Variants in DLGAP2 observed in about 807,000 individuals in gnomAD.
DLGAP2 encodes the protein DLG associated protein 2, also known as disks large-associated protein 2.
Under a neutral mutation model 100.3 loss-of-function variants are expected in DLGAP2, and 26 were observed. The observed-to-expected ratio is 0.26, with a 90% CI of 0.19 to 0.36. DLGAP2 has a LOEUF of 0.36. Ranked by LOEUF, DLGAP2 falls within the 10% of genes least tolerant of loss-of-function variation. DLGAP2 has a pLI of 1.00. For synonymous variants in DLGAP2, 886 were observed against 630.1 expected (o/e 1.41, Z -6.08); for missense variants, 1,858 against 1,453.2 (o/e 1.28, Z -4.53).
intron 1 of DLGAP2, among the ~76,000 whole-genome samples, chr8:835,894 G>A (rs895757847): frequency 5.3e-5 from 8 of 152,066 alleles, no homozygotes; most frequent in African/African-American, 1.7e-4. Flanking sequence ...TTCCTGTTAC[G>A]CTGCCGTAAC....
chr8:1,194,402 C>G (rs558603147), intron 2 of DLGAP2, among the ~76,000 whole-genome samples: 1 of 152,128 alleles, frequency 6.6e-6, no homozygotes, highest in Admixed American at 6.5e-5. Flanking sequence ...CCATGCTCAC[C>G]GTGTCTAGGC....
intron 2 of DLGAP2, among the ~76,000 whole-genome samples, chr8:1,207,462 C>CT (rs1798020486): frequency 6.6e-6 from 1 of 152,212 alleles, no homozygotes; most frequent in South Asian, 2.1e-4. Context: ...ACCACATTTT[C>CT]TTTTTTTACT....
chr8:947,487 G>A (rs1452957081), intron 2 of DLGAP2, among the ~76,000 whole-genome samples: 2 of 152,222 alleles, frequency 1.3e-5, no homozygotes, highest in Non-Finnish European at 2.9e-5. Context: ...GACGGTGGCG[G>A]CTGTGTTCCA....
chr8:970,924 G>A (rs765674329), intron 2 of DLGAP2, among the ~76,000 whole-genome samples: 9 of 152,164 alleles, frequency 5.9e-5, no homozygotes, highest in Non-Finnish European at 1.2e-4. Flanking sequence ...CAATGTTTAA[G>A]TAATGTGCAT....
intron 3 of DLGAP2, among the ~76,000 whole-genome samples, chr8:1,343,806 G>A (rs895169845): frequency 7.2e-5 from 11 of 152,188 alleles, no homozygotes; most frequent in Admixed American, 1.3e-4. Context: ...GCTGTGGCAC[G>A]AGATCCTCCC....
At chr8:1,312,229 A>G (rs1585248051) in intron 3 of DLGAP2, among the ~76,000 whole-genome samples, 1 of 152,178 alleles carries the variant, frequency 6.6e-6, no homozygotes, top group Non-Finnish European at 1.5e-5. Flanking sequence ...AATATAAAAC[A>G]CAGGGTCTAG....
intron 1 of DLGAP2, among the ~76,000 whole-genome samples, chr8:750,906 A>G (rs527981949): frequency 6.6e-6 from 1 of 152,366 alleles, no homozygotes; most frequent in African/African-American, 2.4e-5. Context: ...CTGTTCCGAA[A>G]TATTTGTCAC....
intron 6 of DLGAP2, among the ~76,000 whole-genome samples, chr8:1,579,122 T>G (rs1466796465): frequency 6.6e-6 from 1 of 152,256 alleles, no homozygotes; most frequent in Non-Finnish European, 1.5e-5. Context: ...TGGAGGCCTT[T>G]GCTTTTTTTT....
At position 1,325,852 on chromosome 8, in the gene DLGAP2, A is replaced by C. The variant is rs955238037; in HGVS notation, c.106+66969A>C. Among the ~76,000 whole-genome samples the C allele has an allele frequency of 4.2e-4, 64 of 152,160 alleles. 1 individual carries two copies. The highest frequency in any genetic ancestry group is 1.4e-3 in the African/African-American group (56 of 41,430). ...TTTTTTGCAAGGACCGTCCATGGAG[A>C]TGGCTTTCCAGCCACAGTCTTCTGT... is the stretch of plus-strand genomic sequence containing the variant. On this transcript the variant is annotated intron_variant, in intron 3 of 14. Transcript: ENST00000637795.
chr8:1,686,096 A>G (rs891786373), intron 12 of DLGAP2, among the ~76,000 whole-genome samples: 7 of 152,174 alleles, frequency 4.6e-5, no homozygotes, highest in African/African-American at 1.7e-4. Context: ...AAGGAAATTC[A>G]TATGTCAAAG....
chr8:1,133,839 A>G (rs1796346977), intron 2 of DLGAP2, among the ~76,000 whole-genome samples: 1 of 152,124 alleles, frequency 6.6e-6, no homozygotes, highest in African/African-American at 2.4e-5. Flanking sequence ...CCGTATTGGG[A>G]ATTGATTAAC....
At chr8:1,693,225 A>C (rs1799299921) in intron 13 of DLGAP2, among the ~76,000 whole-genome samples, 1 of 148,592 alleles carries the variant, frequency 6.7e-6, no homozygotes, top group African/African-American at 2.4e-5. Context: ...GTAGGCAAAT[A>C]TACAGTATAT....
chr8:778,661 G>C (rs1821597444), intron 1 of DLGAP2, among the ~76,000 whole-genome samples: 1 of 152,214 alleles, frequency 6.6e-6, no homozygotes, highest in Non-Finnish European at 1.5e-5. Flanking sequence ...TCAGGGGTCA[G>C]GGGTCAGGCA....
intron 3 of DLGAP2, among the ~76,000 whole-genome samples, chr8:1,283,977 C>G (rs75008206): frequency 1.3e-5 from 2 of 152,294 alleles, no homozygotes; most frequent in Non-Finnish European, 2.9e-5. Flanking sequence ...TTGTCATTCA[C>G]GACGGAGTTC....
chr8:1,420,586 TC>T (rs2129932355), intron 3 of DLGAP2, among the ~76,000 whole-genome samples: 1 of 152,330 alleles, frequency 6.6e-6, no homozygotes, highest in East Asian at 1.9e-4. Flanking sequence ...AATATGATCT[TC>T]TATGTTGAGC....
intron 2 of DLGAP2, among the ~76,000 whole-genome samples, chr8:994,951 G>A (rs913984479): frequency 2.8e-4 from 43 of 152,240 alleles, no homozygotes; most frequent in African/African-American, 8.7e-4. Context: ...TTGGCATCAC[G>A]GGGGCAGGGC....
chr8:1,060,939 TC>T (rs1483953305), intron 2 of DLGAP2, among the ~76,000 whole-genome samples: 3 of 152,228 alleles, frequency 2.0e-5, no homozygotes, highest in Non-Finnish European at 4.4e-5. Context: ...TGAGTGTGTC[TC>T]CCAGCCTTCA....
chr8:967,765 GTATATATATATATGTATA>G (rs1382528445), intron 2 of DLGAP2, among the ~76,000 whole-genome samples: 2 of 52,636 alleles, frequency 3.8e-5, no homozygotes, highest in Non-Finnish European at 7.4e-5. Flanking sequence ...ACAAAGAGGT[GTATATATATATATGTATA>G]TATATATATA....
intron 2 of DLGAP2, among the ~76,000 whole-genome samples, chr8:1,172,746 A>G (rs1797156376): frequency 6.6e-6 from 1 of 152,040 alleles, no homozygotes; most frequent in Non-Finnish European, 1.5e-5. Flanking sequence ...AGCTCCTTTA[A>G]GCACTTCTCT....
Sources: gnomAD v4.1 joint callset for allele counts (sites outside exome capture counted in the v4.1 genomes callset) on GRCh38, gnomAD v4.1.1 for gene constraint, MANE v1.5 for transcripts, NCBI Gene and HGNC (gene_info 2026-07-23, HGNC 2026-07-21) for gene names.